DYRK1A: variants seen among roughly 807,000 people sequenced by gnomAD.
The protein encoded by DYRK1A is dual specificity tyrosine phosphorylation regulated kinase 1A.
Under a neutral mutation model 79.7 loss-of-function variants are expected in DYRK1A, and 9 were observed. The ratio of observed to expected loss-of-function variants is 0.11; its 90% CI spans 0.07 to 0.20. The LOEUF is 0.20. Among genes scored for constraint, DYRK1A ranks in the 10% least tolerant of loss-of-function variants. The pLI is 1.00. For missense variants in DYRK1A, 622 were observed against 956.0 expected (o/e 0.65, Z 4.61); for synonymous variants, 349 against 329.7 (o/e 1.06, Z -0.63).
chr21:37,438,681 C>G (rs1410535602), intron 2 of DYRK1A, among the ~76,000 whole-genome samples: 1 of 152,172 alleles, frequency 6.6e-6, no homozygotes, highest in Non-Finnish European at 1.5e-5. Flanking sequence ...TTCCATTAAT[C>G]TATTTGTCCT....
At chr21:37,383,837 ATGTG>A (rs112549944) in intron 1 of DYRK1A, among the ~76,000 whole-genome samples, 6 of 148,480 alleles carry the variant, frequency 4.0e-5, no homozygotes, top group Admixed American at 6.7e-5. Context: ...GTAATGGTGT[ATGTG>A]TGTGTGTGTG....
At chr21:37,499,500 A>T (rs1426729087) in intron 9 of DYRK1A, among the ~76,000 whole-genome samples, 1 of 152,124 alleles carries the variant, frequency 6.6e-6, no homozygotes, top group African/African-American at 2.4e-5. Flanking sequence ...TGCAGTTGGG[A>T]TTGCATTCAG....
intron 2 of DYRK1A, among the ~76,000 whole-genome samples, chr21:37,436,048 C>T (rs752259029): frequency 7.2e-5 from 11 of 151,890 alleles, no homozygotes; most frequent in African/African-American, 2.2e-4. Context: ...ATACATGTGA[C>T]GTTAGATTAA....
intron 6 of DYRK1A, chr21:37,488,887 T>C: frequency 1.0e-6 from 1 of 983,840 alleles, no homozygotes; most frequent in Non-Finnish European, 1.2e-6. Context: ...ATGTTTTTAG[T>C]TTTAAACCTA....
chr21:37,367,477 A>G lies in DYRK1A; in HGVS notation c.-228A>G, dbSNP rs2049332428. ...ACCGCGAGCCGAGGAGAGACTGAGC[A>G]GGCTGCGGCGCGGCCAGGAGCCGGA... is the stretch of plus-strand genomic sequence containing the variant. On this transcript the variant is annotated 5_prime_UTR_variant, in exon 1 of 12. Transcript: ENST00000647188. 6.7e-6 allele frequency: 1 copy of G among 148,498 alleles called. No homozygotes were observed. The highest frequency in any genetic ancestry group is 1.5e-5 in the Non-Finnish European group (1 of 66,596). 9.2% of individuals were successfully genotyped at this position (148,498 alleles called of 1,614,324 possible).
chr21:37,420,688 T>C (rs1486995854), intron 2 of DYRK1A, among the ~76,000 whole-genome samples: 1 of 152,146 alleles, frequency 6.6e-6, no homozygotes, highest in African/African-American at 2.4e-5. Flanking sequence ...GTCACCTTTA[T>C]GGTTGAATGC....
intron 9 of DYRK1A, among the ~76,000 whole-genome samples, chr21:37,497,152 G>C (rs1036585027): frequency 0.12 from 1 of 8 alleles, no homozygotes; most frequent in African/African-American, 0.5. Context: ...GTATTTTAGC[G>C]GACGCTGCCA....
chr21:37,492,000 A>G (rs572340905), intron 7 of DYRK1A, among the ~76,000 whole-genome samples: 68 of 152,206 alleles, frequency 4.5e-4, no homozygotes, highest in Non-Finnish European at 6.9e-4. Context: ...TTTTGGGGAA[A>G]GCAACTGCTT....
intron 2 of DYRK1A, among the ~76,000 whole-genome samples, chr21:37,436,533 T>C (rs902039267): frequency 2.0e-5 from 3 of 152,222 alleles, no homozygotes; most frequent in Admixed American, 6.5e-5. Context: ...TCTTTTGCCT[T>C]CTTTTGTCCC....
intron 2 of DYRK1A, among the ~76,000 whole-genome samples, chr21:37,448,038 T>G (rs2051328288): frequency 6.6e-6 from 1 of 152,186 alleles, no homozygotes; most frequent in African/African-American, 2.4e-5. Flanking sequence ...CCCCTCTGAG[T>G]ATTAACTTCT....
chr21:37,417,529 C>CTTTTTCTTTTTTT (rs1555959239), intron 1 of DYRK1A, among the ~76,000 whole-genome samples: 2 of 44,048 alleles, frequency 4.5e-5, no homozygotes, highest in African/African-American at 1.0e-4. Flanking sequence ...TTTTCTTTTT[C>CTTTTTCTTTTTTT]TTTTTTTTTT....
intron 1 of DYRK1A, among the ~76,000 whole-genome samples, chr21:37,417,700 C>T (rs1403722973): frequency 6.6e-6 from 1 of 151,406 alleles, no homozygotes; most frequent in East Asian, 1.9e-4. Flanking sequence ...TGTCCTGTCC[C>T]TGAAGATACG....
chr21:37,510,039 T>C (rs1236072002), intron 11 of DYRK1A, among the ~76,000 whole-genome samples: 2 of 152,162 alleles, frequency 1.3e-5, no homozygotes, highest in Admixed American at 1.3e-4. Context: ...TCAAAAAACA[T>C]AGTATATAGA....
chr21:37,430,176 G>A (rs2050738038), intron 2 of DYRK1A: 2 of 457,290 alleles, frequency 4.4e-6, no homozygotes, highest in Non-Finnish European at 5.8e-6. Flanking sequence ...TTACCTCACA[G>A]CTGTTACCCA....
intron 10 of DYRK1A, 87 bp from the exon 11 acceptor site, chr21:37,506,006 CTTTCAG>C: frequency 7.1e-7 from 1 of 1,413,712 alleles, no homozygotes; most frequent in Non-Finnish European, 9.5e-7. Flanking sequence ...TGTGTGAGTA[CTTTCAG>C]TTTTAATGGT....
intron 2 of DYRK1A, among the ~76,000 whole-genome samples, chr21:37,435,010 A>G (rs1300059618): frequency 6.6e-6 from 1 of 152,252 alleles, no homozygotes; most frequent in East Asian, 1.9e-4. Flanking sequence ...TTAAAATTAC[A>G]ACAAATGCAC....
chr21:37,495,196 GT>G (rs1444595483), intron 8 of DYRK1A, among the ~76,000 whole-genome samples: 1 of 126,258 alleles, frequency 7.9e-6, no homozygotes, highest in East Asian at 2.5e-4. Context: ...GTGTGTGTGT[GT>G]GTGTGGTTAT....
In DYRK1A at chr21:37,512,935, T is replaced by G. The variant is rs1319045479; in HGVS notation, c.*404T>G. On this transcript the variant is annotated 3_prime_UTR_variant, in exon 12 of 12. Transcript: ENST00000647188. ...GGCCCCATGAGGGTGTTTTTTTTTTTTCTTTTTGTCCCCCCCATCCCCCTT... is the reference window on the plus strand; with the variant it reads ...GGCCCCATGAGGGTGTTTTTTTTTTGTCTTTTTGTCCCCCCCATCCCCCTT... 2 of 159,526 alleles carry G rather than the reference T, an allele frequency of 1.3e-5. No individual in the cohort carries two copies. The highest frequency in any genetic ancestry group is 4.9e-5 in the African/African-American group (2 of 41,052). The allele number at this position is 159,526 out of a possible 1,614,324, so 9.9% of individuals were successfully genotyped here.
intron 1 of DYRK1A, among the ~76,000 whole-genome samples, chr21:37,388,100 A>AT (rs34571307): frequency 0.31 from 36,169 of 116,508 alleles, 6,250 homozygotes; most frequent in African/African-American, 0.42. Flanking sequence ...CTTCCCTTTG[A>AT]TTTTTTTTTT....
Sources: gnomAD v4.1 joint callset for allele counts (sites outside exome capture counted in the v4.1 genomes callset) on GRCh38, gnomAD v4.1.1 for gene constraint, MANE v1.5 for transcripts, NCBI Gene and HGNC (gene_info 2026-07-23, HGNC 2026-07-21) for gene names.